Variants in HECTD4 observed in about 807,000 individuals in gnomAD.
The protein encoded by HECTD4 is probable E3 ubiquitin-protein ligase HECTD4.
HECTD4 carries 114 observed loss-of-function variants against 471.5 expected under a neutral mutation model. The observed-to-expected ratio is 0.24, with a 90% confidence interval of 0.21 to 0.28. HECTD4 has a LOEUF of 0.28. Ranked by LOEUF, HECTD4 falls within the 10% of genes least tolerant of loss-of-function variation. HECTD4 has a pLI of 1.00. For synonymous variants in HECTD4, 2,012 were observed against 2,256.0 expected (o/e 0.89, Z 3.07); for missense variants, 3,866 against 5,651.5 (o/e 0.68, Z 10.13).
rs1175893801 is a variant in HECTD4 at position 112,229,945 on chromosome 12, T to TA, written c.6337-66dup. On this transcript the variant is annotated intron_variant, in intron 40 of 75. Transcript: ENST00000682272. ...TTGGTTGTTTTGATGCCAAGGGTGATAAAGTGTCTACAACAGTGCCTGGGT... is the reference window on the plus strand; with the variant it reads ...TTGGTTGTTTTGATGCCAAGGGTGATAAAAGTGTCTACAACAGTGCCTGGGT... 6.2e-6 allele frequency: 9 copies of TA among 1,446,818 alleles called. No homozygotes were observed. The East Asian group carries it at 2.2e-4, about 36-fold the overall frequency. 89.6% of individuals were successfully genotyped at this position (1,446,818 alleles called of 1,614,324 possible). A position where few individuals can be genotyped will look rare whatever the true frequency, so the allele number is the denominator to read the frequency against.
At chr12:112,191,317 T>C (rs1361761045) in intron 59 of HECTD4, among the ~76,000 whole-genome samples, 1 of 152,238 alleles carries the variant, frequency 6.6e-6, no homozygotes, top group Non-Finnish European at 1.5e-5. Context: ...ATTCCCAGCT[T>C]GGTAAAGAAA....
intron 4 of HECTD4, among the ~76,000 whole-genome samples, chr12:112,311,503 G>C (rs2035369013): frequency 6.6e-6 from 1 of 150,834 alleles, no homozygotes; most frequent in Admixed American, 6.6e-5. Context: ...GCATGCCTGT[G>C]GTCCCAGCTA....
chr12:112,283,334 A>G (rs780955303), intron 7 of HECTD4, 32 bp from the exon 8 acceptor site: 10 of 1,540,540 alleles, frequency 6.5e-6, no homozygotes, highest in East Asian at 2.3e-5. Context: ...TCCTAAAATG[A>G]TATCTGTTTC....
intron 48 of HECTD4, among the ~76,000 whole-genome samples, 199 bp downstream of exon 48, chr12:112,216,093 C>CA (rs1347728856): frequency 1.3e-5 from 2 of 152,124 alleles, no homozygotes; most frequent in Admixed American, 1.3e-4. Flanking sequence ...CTGGAGTTAC[C>CA]AAATGGAGGC....
At position 112,381,916 on chromosome 12, in the gene HECTD4, AG is replaced by A. The variant is rs1228892901; in HGVS notation, c.177+35del. 1.6e-6 allele frequency: 2 copies of A among 1,215,324 alleles called. No homozygotes were observed. The highest frequency in any genetic ancestry group is 2.0e-6 in the Non-Finnish European group (2 of 975,954). 75.3% of individuals were successfully genotyped at this position (1,215,324 alleles called of 1,614,324 possible). On this transcript the variant is annotated intron_variant, in intron 1 of 75. Transcript: ENST00000682272. This position sits in a 1 kb window ranked among gnomAD's most constrained non-coding sequence, Gnocchi z 4.1. Reference sequence around the variant, plus strand: ...CCCGGGGGTGCCGGGCGAGTGGGTCAGTCCGATGGCGGGGGCCGGGGGCCGC... The same window carrying A: ...CCCGGGGGTGCCGGGCGAGTGGGTCATCCGATGGCGGGGGCCGGGGGCCGC...
chr12:112,166,341 C>G lies in HECTD4; in HGVS notation c.12534+976G>C, dbSNP rs1191306351. 1 of 152,268 alleles carries G rather than the reference C, an allele frequency of 6.6e-6. No individual in the cohort carries two copies. The allele number at this position is 152,268 out of a possible 1,614,324, so 9.4% of individuals were successfully genotyped here. On this transcript the variant is annotated intron_variant, in intron 72 of 75. Coordinates refer to ENST00000682272, the MANE Select transcript of HECTD4 (RefSeq NM_001388303.1). This position sits in a 1 kb window ranked among gnomAD's most constrained non-coding sequence, Gnocchi z 4.6. ...GGGGACAATGGCAGAGACCAGAGAC[C>G]TGGCCAGGCAGTGCCTCAGTCGGCC...
chr12:112,357,928 C>A (rs1462892222), intron 1 of HECTD4, among the ~76,000 whole-genome samples: 1 of 152,176 alleles, frequency 6.6e-6, no homozygotes, highest in African/African-American at 2.4e-5. Context: ...TCTGGCCAGG[C>A]CCAGTGGCTC....
At chr12:112,329,023 C>G (rs2035798017) in intron 1 of HECTD4, among the ~76,000 whole-genome samples, 1 of 152,180 alleles carries the variant, frequency 6.6e-6, no homozygotes, top group South Asian at 2.1e-4. Context: ...AATTACTGTT[C>G]AAATTCTTTT....
At chr12:112,289,804 G>A (rs1267283645) in intron 7 of HECTD4, among the ~76,000 whole-genome samples, 1 of 151,950 alleles carries the variant, frequency 6.6e-6, no homozygotes, top group Admixed American at 6.6e-5. Flanking sequence ...AACCTCCCGA[G>A]TATCTGGGAT....
chr12:112,326,333 AT>A (rs2035743567), intron 1 of HECTD4, among the ~76,000 whole-genome samples: 1 of 152,114 alleles, frequency 6.6e-6, no homozygotes, highest in Non-Finnish European at 1.5e-5. Flanking sequence ...TCTCTACAAA[AT>A]AAAAAATAAT....
chr12:112,374,976 A>C (rs1171238345), intron 1 of HECTD4, among the ~76,000 whole-genome samples: 1 of 152,388 alleles, frequency 6.6e-6, no homozygotes, highest in South Asian at 2.1e-4. Context: ...GAGTTTTGAC[A>C]TACATATACA....
chr12:112,295,280 A>G (rs961570750), intron 7 of HECTD4, among the ~76,000 whole-genome samples: 3 of 151,978 alleles, frequency 2.0e-5, no homozygotes, highest in African/African-American at 7.2e-5. Flanking sequence ...GAGGAACAGG[A>G]TTTTATTTTA....
intron 1 of HECTD4, among the ~76,000 whole-genome samples, chr12:112,340,244 G>A (rs763259356): frequency 2.6e-5 from 4 of 152,176 alleles, no homozygotes; most frequent in Admixed American, 6.5e-5. Flanking sequence ...TGATAAGCAC[G>A]AAATGGTTTC....
At chr12:112,200,511 C>A in intron 55 of HECTD4, 127 bp downstream of exon 55, 6 of 1,005,414 alleles carry the variant, frequency 6.0e-6, no homozygotes, top group Non-Finnish European at 8.5e-6. Context: ...TCTTTATTAG[C>A]TGCCTTCTCT....
intron 47 of HECTD4, 141 bp from the exon 48 acceptor site, chr12:112,216,512 C>G (rs1436799459): frequency 1.0e-5 from 7 of 680,208 alleles, no homozygotes; most frequent in South Asian, 5.7e-5. Flanking sequence ...TATTAAAATA[C>G]CCACACCAAT....
chr12:112,332,117 T>C lies in HECTD4; in HGVS notation c.178-12375A>G, dbSNP rs923857988. Among the ~76,000 whole-genome samples, 4 of 151,612 alleles carry C rather than the reference T, an allele frequency of 2.6e-5. No individual in the cohort carries two copies. The South Asian group carries it at 8.3e-4, about 32-fold the overall frequency. ...TGTCATGTGGAAGAGGAAGACCTAT[T>C]CTCTATTATACCACAAGCAGAAATA... On this transcript the variant is annotated intron_variant, in intron 1 of 75. Coordinates refer to ENST00000682272, the MANE Select transcript of HECTD4 (RefSeq NM_001388303.1).
intron 2 of HECTD4, among the ~76,000 whole-genome samples, chr12:112,318,796 T>C (rs1299374777): frequency 6.6e-6 from 1 of 152,364 alleles, no homozygotes; most frequent in East Asian, 1.9e-4. Flanking sequence ...AGGTGAATAA[T>C]AGCCCACTAG....
rs1450731983 is a variant in HECTD4, at chr12:112,235,551, T to A, written c.5678A>T (p.Lys1893Met). The change falls in exon 36 of 76, where the codon AAG (lysine) becomes ATG (methionine). Residue 1893 changes from lysine to methionine, a missense_variant. Lys to Met is a moderately conservative substitution (Grantham distance 95). Around this residue, in one of 16 missense-constraint regions of HECTD4, gnomAD observed 617 missense variants for 915.1 expected, o/e 0.67. Coordinates refer to ENST00000682272, the MANE Select transcript of HECTD4 (RefSeq NM_001388303.1). This position sits in a 1 kb window ranked among gnomAD's most constrained non-coding sequence, Gnocchi z 5.0. ...CTTTGCTAAGAGCAGGGAGGCGATC[T>A]TGGAAGCTGGGTCGCTGGGATCCTC... is the stretch of plus-strand genomic sequence containing the variant. ...EQEDPSDPAS[K>M]IASLLLAKLA... 3 of 1,613,686 alleles carry A rather than the reference T, an allele frequency of 1.9e-6. No individual in the cohort carries two copies. The highest frequency in any genetic ancestry group is 2.5e-6 in the Non-Finnish European group (3 of 1,179,826).
At chr12:112,231,817 T>C (rs1001747652) in intron 38 of HECTD4, 102 bp from the exon 39 acceptor site, 9 of 845,134 alleles carry the variant, frequency 1.1e-5, no homozygotes, top group Non-Finnish European at 1.6e-5. Flanking sequence ...TCCACACTCA[T>C]TTTTTTTTAA....
Sources: allele counts gnomAD v4.1 joint callset (sites outside exome capture counted in the v4.1 genomes callset), GRCh38; gene constraint gnomAD v4.1.1; regional missense constraint gnomAD v4.1.1; non-coding constraint Gnocchi (gnomAD v3.1); transcripts MANE v1.5; gene names NCBI Gene and HGNC (gene_info 2026-07-23, HGNC 2026-07-21).